Variants in GLRA1 observed in about 807,000 individuals in gnomAD.
GLRA1 encodes glycine receptor subunit alpha-1.
A neutral mutation model predicts 48.3 loss-of-function variants in GLRA1; 37 were observed. That is an observed-to-expected ratio of 0.77 (90% CI 0.59 to 1.01). The LOEUF (loss-of-function observed/expected upper bound fraction) is 1.01. GLRA1 is among the 50% of genes least tolerant of loss of function. The pLI, the probability that GLRA1 is intolerant of heterozygous loss-of-function variation, is 0.00. For synonymous variants in GLRA1, 196 were observed against 210.7 expected (o/e 0.93, Z 0.60); for missense variants, 427 against 571.0 (o/e 0.75, Z 2.57).
rs1434537901 is a variant in GLRA1, at chr5:151,907,391, C to T, written c.57-14953G>A. ...CCTCCTAGGTGAGTATTTTACTTCACTTCTGCAGTGGCAGGTACATGCTAA... is the reference window on the plus strand; with the variant it reads ...CCTCCTAGGTGAGTATTTTACTTCATTTCTGCAGTGGCAGGTACATGCTAA... On this transcript the variant is annotated intron_variant, in intron 1 of 8. Coordinates refer to ENST00000274576, the MANE Select transcript of GLRA1 (RefSeq NM_000171.4). 3.3e-5 allele frequency among the ~76,000 whole-genome samples: 5 copies of T among 152,196 alleles called. No individual in the cohort carries two copies. In the South Asian group the frequency reaches 6.2e-4, roughly 19 times the overall value.
chr5:151,883,266 C>G (rs1753804439), intron 3 of GLRA1, among the ~76,000 whole-genome samples: 1 of 152,174 alleles, frequency 6.6e-6, no homozygotes, highest in African/African-American at 2.4e-5. Flanking sequence ...ATTATCATTA[C>G]TTACTATTTT....
intron 7 of GLRA1, among the ~76,000 whole-genome samples, chr5:151,829,948 A>G (rs1055768957): frequency 1.3e-5 from 2 of 152,242 alleles, no homozygotes; most frequent in African/African-American, 4.8e-5. Flanking sequence ...TGGATATACA[A>G]CATTCTGTTT....
intron 6 of GLRA1, among the ~76,000 whole-genome samples, chr5:151,853,660 T>C (rs1011460986): frequency 6.6e-6 from 1 of 152,202 alleles, no homozygotes; most frequent in Non-Finnish European, 1.5e-5. Context: ...CTGTGGGTTC[T>C]TTATCTTCAC....
At chr5:151,856,930 A>G (rs193283794) in intron 4 of GLRA1, among the ~76,000 whole-genome samples, 1 of 152,394 alleles carries the variant, frequency 6.6e-6, no homozygotes, top group Non-Finnish European at 1.5e-5. Context: ...AAAATCCACA[A>G]GGAGTTCTGG....
rs774573940 is a variant in GLRA1 at position 151,822,686 on chromosome 5, A to G, written c.1337T>C (p.Val446Ala). ...IIYKIVRRED[V>A]HNQ Reference sequence around the variant, plus strand: ...CTTTCAGACCCTTCACTGGTTGTGGACGTCCTCTCTACGGACAATCTTGTA... The same window carrying G: ...CTTTCAGACCCTTCACTGGTTGTGGGCGTCCTCTCTACGGACAATCTTGTA... Residue 446 changes from valine (V) to alanine (A), a missense_variant, in exon 9 of 9, where the codon GTC becomes GCC. Physicochemically the swap from Val to Ala is moderately conservative, Grantham distance 64. Transcript: ENST00000274576. 2 of 1,612,250 alleles carry G rather than the reference A, an allele frequency of 1.2e-6. No individual in the cohort carries two copies. Among genetic ancestry groups the G allele is most frequent in the Non-Finnish European group, 1.7e-6 (2 of 1,178,528 alleles).
At position 151,829,009 on chromosome 5, in the gene GLRA1, G is replaced by T. The variant is rs121918418; in HGVS notation, c.971C>A (p.Ser324Ter). Residue 324 changes from serine to a stop codon, truncating the protein, a stop_gained, in exon 8 of 9, where the codon TCA (serine) becomes TAA (stop). Coordinates refer to ENST00000274576, the MANE Select transcript of GLRA1 (RefSeq NM_000171.4). LOFTEE classifies it high-confidence loss of function. ...AACGGCAGCATATTCTAATAGGGCT[G>T]AGAACACAAAGAGCAGGCAAACTGC... ...WMAVCLLFVF[S>*]ALLEYAAVNF... 22 of 1,614,016 alleles carry T rather than the reference G, an allele frequency of 1.4e-5. No homozygotes were observed. The highest frequency in any genetic ancestry group is 1.9e-5 in the Non-Finnish European group (22 of 1,179,960).
chr5:151,875,449 G>A (rs1244290749), intron 3 of GLRA1: 1 of 152,136 alleles, frequency 6.6e-6, no homozygotes, highest in Non-Finnish European at 1.5e-5. Context: ...GCTAGAATTA[G>A]AGCCATGAAC....
intron 1 of GLRA1, among the ~76,000 whole-genome samples, chr5:151,903,897 A>G (rs1414433270): frequency 6.6e-6 from 1 of 152,228 alleles, no homozygotes; most frequent in Non-Finnish European, 1.5e-5. Flanking sequence ...AATCAAGGTG[A>G]CTTAGTGGCA....
intron 7 of GLRA1, among the ~76,000 whole-genome samples, chr5:151,844,642 G>GA (rs1752618091): frequency 1.1e-5 from 1 of 90,330 alleles, no homozygotes; most frequent in African/African-American, 4.1e-5. Context: ...AAAAAAAAAA[G>GA]AAAAAGAAAA....
chr5:151,869,049 A>C (rs528330324), intron 3 of GLRA1, among the ~76,000 whole-genome samples: 2 of 152,316 alleles, frequency 1.3e-5, no homozygotes, highest in African/African-American at 4.8e-5. Flanking sequence ...TAATTACATA[A>C]GAATGTGAAT....
chr5:151,915,565 G>A (rs1754718224), intron 1 of GLRA1, among the ~76,000 whole-genome samples: 1 of 152,058 alleles, frequency 6.6e-6, no homozygotes, highest in Non-Finnish European at 1.5e-5. Flanking sequence ...AAAGAATGAA[G>A]TAGAACTGTA....
intron 1 of GLRA1, among the ~76,000 whole-genome samples, chr5:151,909,038 G>A (rs975678097): frequency 6.6e-6 from 1 of 152,144 alleles, no homozygotes; most frequent in Non-Finnish European, 1.5e-5. Context: ...TCACAGGGTA[G>A]CTATAAAGAT....
intron 1 of GLRA1, among the ~76,000 whole-genome samples, chr5:151,902,028 G>A (rs565809759): frequency 2.2e-4 from 33 of 152,228 alleles, no homozygotes; most frequent in Middle Eastern, 3.4e-3. Flanking sequence ...TCTCTGGTTC[G>A]TGATATAAAT....
chr5:151,882,487 T>C lies in GLRA1; in HGVS notation c.252+4234A>G, dbSNP rs573643385. Among the ~76,000 whole-genome samples, 143 of 152,338 alleles carry C rather than the reference T, an allele frequency of 9.4e-4. 1 individual carries two copies. The highest frequency in any genetic ancestry group is 4.3e-3 in the Admixed American group (66 of 15,310). ...CTAATAGCAGTTTCCCAAAGCCACT[T>C]TGAGTGACAAGAAAAGAGGCTTGAA... On this transcript the variant is annotated intron_variant, in intron 3 of 8. Coordinates refer to ENST00000274576, the MANE Select transcript of GLRA1 (RefSeq NM_000171.4).
intron 1 of GLRA1, among the ~76,000 whole-genome samples, chr5:151,910,391 G>A (rs1004951031): frequency 1.3e-5 from 2 of 152,096 alleles, no homozygotes; most frequent in Non-Finnish European, 2.9e-5. Flanking sequence ...GTTCCCCATG[G>A]TCTCATTCTC....
intron 1 of GLRA1, among the ~76,000 whole-genome samples, chr5:151,896,868 A>G (rs1359778857): frequency 6.6e-6 from 1 of 152,262 alleles, no homozygotes. Flanking sequence ...ACAAGACAAA[A>G]AGAGAAGAGT....
chr5:151,880,008 T>C (rs1447828776), intron 3 of GLRA1, among the ~76,000 whole-genome samples: 1 of 152,218 alleles, frequency 6.6e-6, no homozygotes, highest in Non-Finnish European at 1.5e-5. Flanking sequence ...AGAATTTTCC[T>C]GCACAAGCTC....
intron 1 of GLRA1, among the ~76,000 whole-genome samples, chr5:151,913,762 C>G (rs1399794083): frequency 6.6e-6 from 1 of 152,152 alleles, no homozygotes; most frequent in East Asian, 1.9e-4. Context: ...CTGACACTTC[C>G]AAGCTGGGTG....
intron 3 of GLRA1, among the ~76,000 whole-genome samples, chr5:151,879,061 G>A (rs981155039): frequency 6.6e-6 from 1 of 152,248 alleles, no homozygotes; most frequent in Admixed American, 6.5e-5. Context: ...GCCTATGAAA[G>A]CAGCCAGGAG....
Sources: gnomAD v4.1 joint callset for allele counts (sites outside exome capture counted in the v4.1 genomes callset) on GRCh38, gnomAD v4.1.1 for gene constraint, MANE v1.5 for transcripts, NCBI Gene and HGNC (gene_info 2026-07-23, HGNC 2026-07-21) for gene names.